The following FAM227B variants were observed in gnomAD, a reference collection of about 807,000 sequenced individuals.
FAM227B encodes the protein protein FAM227B.
FAM227B carries 88 observed loss-of-function variants against 73.8 expected under a neutral mutation model. The ratio of observed to expected loss-of-function variants is 1.19; its 90% CI spans 1.00 to 1.42. The LOEUF (loss-of-function observed/expected upper bound fraction) is 1.42, where lower values mean the gene tolerates loss of function less well. FAM227B is among the 40% of genes most tolerant of loss of function. The pLI, the probability that FAM227B is intolerant of heterozygous loss-of-function variation, is 0.00. For synonymous variants in FAM227B, 210 were observed against 190.5 expected (o/e 1.10, Z -0.84); for missense variants, 632 against 590.9 (o/e 1.07, Z -0.72).
At chr15:49,537,964 G>C (rs1028668228) in intron 10 of FAM227B, among the ~76,000 whole-genome samples, 1 of 152,144 alleles carries the variant, frequency 6.6e-6, no homozygotes, top group Non-Finnish European at 1.5e-5. Flanking sequence ...GGCTATGAAG[G>C]AGCAGACATG....
rs1596603589 is a variant in FAM227B at position 49,366,830 on chromosome 15, A to C, written c.1271+618T>G. ...GCTGCAGGGGCCGCCACTGCAGCCC[A>C]CACTCTAATTTAGTGGCTAGTGTTC... On this transcript the variant is annotated intron_variant, in intron 13 of 15. Coordinates refer to ENST00000299338, the MANE Select transcript of FAM227B (RefSeq NM_152647.3). 1.3e-5 allele frequency: 7 copies of C among 546,522 alleles called. No individual in the cohort carries two copies. The Admixed American group carries it at 2.5e-4, about 20-fold the overall frequency. 33.9% of individuals were successfully genotyped at this position (546,522 alleles called of 1,614,324 possible).
At chr15:49,425,018 A>G (rs1354856670) in intron 11 of FAM227B, 2 of 153,340 alleles carry the variant, frequency 1.3e-5, no homozygotes, top group East Asian at 1.9e-4. Flanking sequence ...CTTTGAAATA[A>G]TATTTTCATG....
At chr15:49,530,771 C>T (rs911685087) in intron 10 of FAM227B, among the ~76,000 whole-genome samples, 1 of 151,524 alleles carries the variant, frequency 6.6e-6, no homozygotes, top group Non-Finnish European at 1.5e-5. Flanking sequence ...AAGAATATTT[C>T]CCTTATTTGT....
rs1567381398 is a variant in FAM227B, at chr15:49,489,821, TTTATATATATATATATATTTTATA to T, written c.1012+18366_1012+18389del. ...ATATATTTTATATATATATATATAT[TTTATATATATATATATATTTTATA>T]TATATATATATATTTTATATATATA... On this transcript the variant is annotated intron_variant, in intron 11 of 15. Coordinates refer to ENST00000299338, the MANE Select transcript of FAM227B (RefSeq NM_152647.3). 2.6e-3 allele frequency among the ~76,000 whole-genome samples: 74 copies of T among 27,934 alleles called. 3 individuals are homozygous for T. Among genetic ancestry groups the T allele is most frequent in the Middle Eastern group, 0.019 (1 of 52 alleles). 18.3% of individuals were successfully genotyped at this position (27,934 alleles called of 152,430 possible). A position where few individuals can be genotyped will look rare whatever the true frequency, so the allele number is the denominator to read the frequency against.
At chr15:49,514,187 C>T (rs939069505) in intron 10 of FAM227B, among the ~76,000 whole-genome samples, 1 of 152,076 alleles carries the variant, frequency 6.6e-6, no homozygotes, top group South Asian at 2.1e-4. Context: ...TTACTTTGGG[C>T]AGTATGGCCA....
intron 11 of FAM227B, chr15:49,422,722 T>C (rs1476906732): frequency 7.8e-7 from 1 of 1,278,196 alleles, no homozygotes; most frequent in East Asian, 2.5e-5. Context: ...AGCCTAGGAA[T>C]ATAATACATA....
intron 3 of FAM227B, among the ~76,000 whole-genome samples, chr15:49,590,405 T>C (rs866279043): frequency 6.6e-6 from 1 of 152,192 alleles, no homozygotes. Flanking sequence ...AAGAATCTAG[T>C]TCAGAATAAA....
chr15:49,592,508 A>C (rs1296773965), intron 3 of FAM227B, among the ~76,000 whole-genome samples: 3 of 152,240 alleles, frequency 2.0e-5, no homozygotes, highest in Non-Finnish European at 2.9e-5. Context: ...GCTGCAGAAC[A>C]GCAAATATTG....
chr15:49,551,501 A>G (rs929952154), intron 9 of FAM227B, among the ~76,000 whole-genome samples: 1 of 152,058 alleles, frequency 6.6e-6, no homozygotes, highest in Non-Finnish European at 1.5e-5. Context: ...TTATAGGTGA[A>G]GTGTGTTTTT....
chr15:49,397,594 G>A (rs1281793186), intron 11 of FAM227B, among the ~76,000 whole-genome samples: 1 of 152,162 alleles, frequency 6.6e-6, no homozygotes, highest in Non-Finnish European at 1.5e-5. Context: ...AGGGCAGCTA[G>A]AGAGAAAGGT....
chr15:49,440,709 T>C (rs970002161), intron 11 of FAM227B, among the ~76,000 whole-genome samples: 1 of 151,612 alleles, frequency 6.6e-6, no homozygotes, highest in African/African-American at 2.4e-5. Flanking sequence ...ATGAGGAAAA[T>C]GAGGCTCAGT....
intron 11 of FAM227B, 146 bp downstream of exon 11, chr15:49,508,065 G>A (rs1242933730): frequency 1.4e-5 from 11 of 764,960 alleles, no homozygotes; most frequent in Non-Finnish European, 2.0e-5. Flanking sequence ...ACTTAAGTGT[G>A]TACCACTATA....
In FAM227B at chr15:49,348,435, A is replaced by C. The variant is rs80327759; in HGVS notation, c.1272-12939T>G. On this transcript the variant is annotated intron_variant, in intron 13 of 15. Transcript: ENST00000299338. ...TGAAATTTGATATATCACTAAAAAA[A>C]CAGAAAACAGACACATGTGAGGCAA... 5.6e-3 allele frequency among the ~76,000 whole-genome samples: 857 copies of C among 152,330 alleles called. 6 individuals carry two copies. Among genetic ancestry groups the C allele is most frequent in the African/African-American group, 0.02 (817 of 41,572 alleles).
intron 11 of FAM227B, among the ~76,000 whole-genome samples, chr15:49,374,777 C>A (rs899951064): frequency 6.6e-6 from 1 of 152,200 alleles, no homozygotes; most frequent in South Asian, 2.1e-4. Flanking sequence ...CTCCTGACCT[C>A]AAAAGATCCT....
At chr15:49,498,192 C>A (rs144575600) in intron 11 of FAM227B, among the ~76,000 whole-genome samples, 1 of 152,082 alleles carries the variant, frequency 6.6e-6, no homozygotes, top group African/African-American at 2.4e-5. Flanking sequence ...ATAGGCAGTA[C>A]GTGAAGTGGT....
intron 10 of FAM227B, among the ~76,000 whole-genome samples, chr15:49,511,649 CT>C (rs1567446679): frequency 6.6e-6 from 1 of 152,084 alleles, no homozygotes; most frequent in African/African-American, 2.4e-5. Context: ...TGTTGTTCCC[CT>C]GCATATGTCC....
Position 49,576,849 on chromosome 15 carries a change from G to T in FAM227B, c.442-4C>A. 4 of 1,579,940 alleles carry T rather than the reference G, an allele frequency of 2.5e-6. No homozygotes were observed. Among genetic ancestry groups the T allele is most frequent in the Non-Finnish European group, 3.5e-6 (4 of 1,151,914 alleles). ...TGAATCCTGTGAAGCTGCAACCCTA[G>T]AAAGAGGAAAATATAACAGGAGAGT... is the stretch of plus-strand genomic sequence containing the variant. On this transcript the variant is annotated splice_region_variant and splice_polypyrimidine_tract_variant and intron_variant, in intron 6 of 15. Coordinates refer to ENST00000299338, the MANE Select transcript of FAM227B (RefSeq NM_152647.3).
At chr15:49,540,858 T>C (rs2070970458) in intron 10 of FAM227B, among the ~76,000 whole-genome samples, 1 of 152,190 alleles carries the variant, frequency 6.6e-6, no homozygotes. Context: ...ATTTGATTTT[T>C]TATATAACTG....
At chr15:49,412,708 T>A (rs757853483) in intron 11 of FAM227B, among the ~76,000 whole-genome samples, 1 of 152,086 alleles carries the variant, frequency 6.6e-6, no homozygotes, top group Admixed American at 6.6e-5. Context: ...GTCAGAGACA[T>A]CCTTAATTAG....
Sources: allele counts gnomAD v4.1 joint callset (sites outside exome capture counted in the v4.1 genomes callset), GRCh38; gene constraint gnomAD v4.1.1; transcripts MANE v1.5; gene names NCBI Gene and HGNC (gene_info 2026-07-23, HGNC 2026-07-21).